DLG2: variants seen among roughly 807,000 people sequenced by gnomAD.
The protein encoded by DLG2 is discs large MAGUK scaffold protein 2, also known as disks large homolog 2.
DLG2 carries 45 observed loss-of-function variants against 132.5 expected under a neutral mutation model. That is an observed-to-expected ratio of 0.34 (90% CI 0.27 to 0.44). The LOEUF is 0.44. DLG2 is among the 20% of genes least tolerant of loss of function. DLG2 has a pLI of 1.00. For missense variants in DLG2, 1,045 were observed against 1,196.9 expected, an observed-to-expected ratio of 0.87 and a Z score of 1.87; for synonymous variants, 424 against 419.6, an observed-to-expected ratio of 1.01 and a Z score of -0.13.
At position 85,398,227 on chromosome 11, in the gene DLG2, C is replaced by A. The variant is rs2087615239; in HGVS notation, c.41-112862G>T. On this transcript the variant is annotated intron_variant, in intron 3 of 27. Transcript: ENST00000376104. The stretch of plus-strand genomic sequence containing the variant: ...CAGAAATAAAGATGGTCTTTGAAAC[C>A]AATGAGAACAAAGACACAACGTACC... Among the ~76,000 whole-genome samples the A allele has an allele frequency of 2.0e-5, 3 of 152,056 alleles. No homozygotes were observed. In the South Asian group the frequency reaches 6.2e-4, roughly 32 times the overall value.
At chr11:85,451,398 C>T (rs189646547) in intron 3 of DLG2, among the ~76,000 whole-genome samples, 3 of 152,292 alleles carry the variant, frequency 2.0e-5, no homozygotes, top group African/African-American at 7.2e-5. Flanking sequence ...ACCCTCCACC[C>T]CCAATACACA....
chr11:85,297,199 C>T (rs2079286736), intron 3 of DLG2, among the ~76,000 whole-genome samples: 1 of 152,054 alleles, frequency 6.6e-6, no homozygotes, highest in South Asian at 2.1e-4. Flanking sequence ...TACCAAAGTA[C>T]AGATTAGAAA....
intron 16 of DLG2, among the ~76,000 whole-genome samples, chr11:83,871,167 G>A (rs1384049700): frequency 6.6e-6 from 1 of 152,168 alleles, no homozygotes; most frequent in East Asian, 1.9e-4. Flanking sequence ...TAGGGTCTCA[G>A]GAGAAAGAGG....
chr11:84,576,741 A>G (rs1214099058), intron 6 of DLG2, among the ~76,000 whole-genome samples: 2 of 152,192 alleles, frequency 1.3e-5, no homozygotes, highest in African/African-American at 4.8e-5. Flanking sequence ...TTTATTAGGT[A>G]GTTTATTTCT....
chr11:84,274,115 G>T (rs912369912), intron 7 of DLG2, among the ~76,000 whole-genome samples: 6 of 152,126 alleles, frequency 3.9e-5, no homozygotes, highest in African/African-American at 1.2e-4. Context: ...CAACAAAAAA[G>T]ACTCGTATAA....
chr11:84,747,077 T>A lies in DLG2; in HGVS notation c.358-212346A>T, dbSNP rs145035463. ...AACCTTAGACAAGTCAGGCTTGGAG[T>A]TTGAGTAGGCAATGTTTCTCCTAAG... On this transcript the variant is annotated intron_variant, in intron 6 of 27. Transcript: ENST00000376104. Among the ~76,000 whole-genome samples the A allele has an allele frequency of 4.2e-4, 64 of 152,118 alleles. 1 individual carries two copies. The East Asian group carries it at 0.011, about 26-fold the overall frequency.
chr11:84,451,615 A>G (rs1371565133), intron 7 of DLG2, among the ~76,000 whole-genome samples: 6 of 151,810 alleles, frequency 4.0e-5, no homozygotes, highest in African/African-American at 1.4e-4. Context: ...TATTTATTCA[A>G]CAAATCCTAA....
At chr11:84,270,784 AAT>A (rs1168775509) in intron 7 of DLG2, among the ~76,000 whole-genome samples, 4 of 152,234 alleles carry the variant, frequency 2.6e-5, no homozygotes, top group Non-Finnish European at 5.9e-5. Flanking sequence ...TAACGACATC[AAT>A]ATGTGACTAT....
chr11:84,684,796 G>C (rs10437749), intron 6 of DLG2, among the ~76,000 whole-genome samples: 3,591 of 152,220 alleles, frequency 0.024, 145 homozygotes, highest in African/African-American at 0.081. Context: ...TGTTTAATGT[G>C]AATTATTACT....
At chr11:84,354,347 G>A (rs968856748) in intron 7 of DLG2, among the ~76,000 whole-genome samples, 1 of 152,048 alleles carries the variant, frequency 6.6e-6, no homozygotes, top group Non-Finnish European at 1.5e-5. Context: ...TAATGTTTTA[G>A]CAATAAATTT....
At position 85,022,221 on chromosome 11, in the gene DLG2, T is replaced by A. The variant is rs116126711; in HGVS notation, c.357+89440A>T. Among the ~76,000 whole-genome samples the A allele has an allele frequency of 4.2e-3, 638 of 151,296 alleles. 7 individuals carry two copies. Among genetic ancestry groups the A allele is most frequent in the African/African-American group, 0.015 (613 of 41,312 alleles). On this transcript the variant is annotated intron_variant, in intron 6 of 27. Transcript: ENST00000376104. Reference sequence around the variant, plus strand: ...CTATATATCAAGATATTAGAAAAAATGCAATCAGAATAAAAATAAAACAGA... The same window carrying A: ...CTATATATCAAGATATTAGAAAAAAAGCAATCAGAATAAAAATAAAACAGA...
In DLG2 at chr11:83,623,791, C is replaced by G. The variant is rs567701455; in HGVS notation, c.1940+9420G>C. On this transcript the variant is annotated intron_variant, in intron 19 of 27. Transcript: ENST00000376104. The stretch of plus-strand genomic sequence containing the variant: ...TGTCTATTTCCTTGTTCCCTTGAAA[C>G]TAACCTAACCTACATGATTGGCAGT... Among the ~76,000 whole-genome samples the G allele has an allele frequency of 2.6e-5, 4 of 152,346 alleles. No homozygotes were observed. In the East Asian group the frequency reaches 7.7e-4, roughly 29 times the overall value.
At chr11:83,493,160 G>T (rs2093954548) in intron 21 of DLG2, among the ~76,000 whole-genome samples, 1 of 151,898 alleles carries the variant, frequency 6.6e-6, no homozygotes. Flanking sequence ...CTTGATTCAG[G>T]GACTTTGCTC....
At chr11:84,791,114 G>C (rs1356861368) in intron 6 of DLG2, among the ~76,000 whole-genome samples, 6 of 152,080 alleles carry the variant, frequency 3.9e-5, no homozygotes, top group African/African-American at 1.4e-4. Context: ...TGTGAAGGAG[G>C]AACTGTCAAA....
At chr11:84,401,013 C>T (rs1409288751) in intron 7 of DLG2, among the ~76,000 whole-genome samples, 2 of 152,132 alleles carry the variant, frequency 1.3e-5, no homozygotes, top group East Asian at 1.9e-4. Flanking sequence ...GAGCACATAA[C>T]ATGTATCAAA....
chr11:83,992,668 C>T (rs1048809177), intron 11 of DLG2, among the ~76,000 whole-genome samples: 6 of 151,986 alleles, frequency 3.9e-5, no homozygotes, highest in Admixed American at 6.6e-5. Context: ...GTACATTCAG[C>T]CCTTGGTACT....
chr11:85,023,706 T>C (rs1342576556), intron 6 of DLG2, among the ~76,000 whole-genome samples: 1 of 152,088 alleles, frequency 6.6e-6, no homozygotes. Context: ...TCGATAACTA[T>C]TCTAAATAGG....
intron 8 of DLG2, among the ~76,000 whole-genome samples, chr11:84,225,494 G>A (rs754386461): frequency 5.9e-5 from 9 of 152,132 alleles, no homozygotes; most frequent in Non-Finnish European, 1.0e-4. Context: ...TGACCTGCTC[G>A]ATGGTGCTCA....
Position 84,670,902 on chromosome 11 carries a change from A to G in DLG2, c.358-136171T>C, listed in dbSNP as rs1565616969. 2.0e-5 allele frequency among the ~76,000 whole-genome samples: 3 copies of G among 152,160 alleles called. No homozygotes were observed. The South Asian group carries it at 6.2e-4, about 31-fold the overall frequency. On this transcript the variant is annotated intron_variant, in intron 6 of 27. Coordinates refer to ENST00000376104, the MANE Select transcript of DLG2 (RefSeq NM_001142699.3). ...AAAGTATTCTTATTAACATCAGAGT[A>G]GATACCTTTTTGTACTTATTAGTTT...
Sources: allele counts gnomAD v4.1 joint callset (sites outside exome capture counted in the v4.1 genomes callset), GRCh38; gene constraint gnomAD v4.1.1; transcripts MANE v1.5; gene names NCBI Gene and HGNC (gene_info 2026-07-23, HGNC 2026-07-21).